NRXN3: variants seen among roughly 807,000 people sequenced by gnomAD.
NRXN3 encodes the protein neurexin III.
Under a neutral mutation model 137.6 loss-of-function variants are expected in NRXN3, and 32 were observed. The observed-to-expected ratio is 0.23, with a 90% CI of 0.18 to 0.31. NRXN3 has a LOEUF of 0.31. Among genes scored for constraint, NRXN3 ranks in the 10% least tolerant of loss-of-function variants. The pLI is 1.00. For synonymous variants in NRXN3, 798 were observed against 784.5 expected (o/e 1.02, Z -0.29); for missense variants, 1,574 against 2,062.5 (o/e 0.76, Z 4.59).
At chr14:78,416,743 C>G (rs1320533483) in intron 4 of NRXN3, among the ~76,000 whole-genome samples, 1 of 152,178 alleles carries the variant, frequency 6.6e-6, no homozygotes, top group Non-Finnish European at 1.5e-5. Context: ...ACTGTTGCTT[C>G]CATTTGCTTG....
chr14:78,331,921 C>T, intron 4 of NRXN3, among the ~76,000 whole-genome samples: 1 of 152,166 alleles, frequency 6.6e-6, no homozygotes, highest in East Asian at 1.9e-4. Context: ...TAATTATGGC[C>T]AGCCAGGCCA....
intron 8 of NRXN3, among the ~76,000 whole-genome samples, chr14:78,766,702 C>G (rs1196605874): frequency 2.0e-5 from 3 of 152,206 alleles, no homozygotes; most frequent in African/African-American, 7.2e-5. Flanking sequence ...GGGGAGTCAT[C>G]TAACCCAAAT....
At chr14:79,700,339 G>A (rs1484699250) in intron 19 of NRXN3, among the ~76,000 whole-genome samples, 1 of 152,004 alleles carries the variant, frequency 6.6e-6, no homozygotes, top group Non-Finnish European at 1.5e-5. Context: ...AAAAGGTAGG[G>A]AAGACTGGAT....
chr14:78,928,457 C>T (rs1302934227), intron 10 of NRXN3, among the ~76,000 whole-genome samples: 2 of 152,096 alleles, frequency 1.3e-5, no homozygotes, highest in East Asian at 3.9e-4. Flanking sequence ...CCCTTACTCC[C>T]ACCCCACAAC....
intron 15 of NRXN3, among the ~76,000 whole-genome samples, chr14:79,425,831 G>C (rs971103336): frequency 6.6e-6 from 1 of 152,214 alleles, no homozygotes; most frequent in African/African-American, 2.4e-5. Context: ...GTTGGAGACA[G>C]AATGGACACT....
Position 79,663,856 on chromosome 14 carries a change from G to A in NRXN3, c.3523G>A (p.Asp1175Asn). Residue 1175 changes from aspartate (D) to asparagine (N), a missense_variant, in exon 17 of 21, where the codon GAC (aspartate) becomes AAC (asparagine). By Grantham distance (23) the Asp-to-Asn change is conservative (BLOSUM62 1). This residue lies in a region of NRXN3 where 133 missense variants were observed against 241.8 expected (regional missense o/e 0.55). Coordinates refer to ENST00000335750, the MANE Select transcript of NRXN3 (RefSeq NM_001330195.2). ...SIKEERTPVN[D>N]GKYHVVRFTR... ...CAAAGAGGAGAGAACCCCTGTAAAT[G>A]ACGGCAAATACCATGTGGTACGCTT... 6.2e-7 allele frequency: 1 copy of A among 1,613,556 alleles called. No homozygotes were observed. Among genetic ancestry groups the A allele is most frequent in the Non-Finnish European group, 8.5e-7 (1 of 1,179,696 alleles).
chr14:78,336,885 C>G (rs916565596), intron 4 of NRXN3, among the ~76,000 whole-genome samples: 2 of 152,136 alleles, frequency 1.3e-5, no homozygotes, highest in East Asian at 1.9e-4. Flanking sequence ...CTGCTAGGCT[C>G]TAAGCCAGGT....
rs1003951695 is a variant in NRXN3, at chr14:79,864,759, G to GT, written c.*2805dup. ...GTTTTTTGTTTTTCGTTTTTTGTTTGTTTTTTTTTTGAGACAGAGTCTCGC... is the reference window on the plus strand; with the variant it reads ...GTTTTTTGTTTTTCGTTTTTTGTTTGTTTTTTTTTTTGAGACAGAGTCTCGC... On this transcript the variant is annotated 3_prime_UTR_variant, in exon 21 of 21. Transcript: ENST00000335750. 1,071 of 148,208 alleles carry GT rather than the reference G, an allele frequency of 7.2e-3. 5 individuals are homozygous for GT. The highest frequency in any genetic ancestry group is 0.014 in the African/African-American group (584 of 40,496). 9.2% of individuals were successfully genotyped at this position (148,208 alleles called of 1,614,324 possible).
chr14:79,744,956 C>A (rs538197676), intron 19 of NRXN3, among the ~76,000 whole-genome samples: 2 of 145,652 alleles, frequency 1.4e-5, no homozygotes, highest in South Asian at 2.2e-4. Flanking sequence ...AGGGCAAGGT[C>A]AGAAGATAAA....
chr14:78,357,776 A>G (rs967535323), intron 4 of NRXN3, among the ~76,000 whole-genome samples: 1 of 152,218 alleles, frequency 6.6e-6, no homozygotes, highest in African/African-American at 2.4e-5. Flanking sequence ...AGCTCTTCAC[A>G]TGAATCTATG....
At chr14:78,272,059 C>T (rs1164908862) in intron 2 of NRXN3, among the ~76,000 whole-genome samples, 1 of 152,162 alleles carries the variant, frequency 6.6e-6, no homozygotes, top group African/African-American at 2.4e-5. Context: ...AGTCAATAGG[C>T]CACTGGGGAG....
intron 10 of NRXN3, among the ~76,000 whole-genome samples, chr14:78,923,490 G>A (rs1037208371): frequency 2.6e-5 from 4 of 152,176 alleles, no homozygotes; most frequent in African/African-American, 7.2e-5. Context: ...TCACAGAGAG[G>A]TTGAGATTTC....
At chr14:79,179,138 C>T (rs1021649124) in intron 15 of NRXN3, among the ~76,000 whole-genome samples, 1 of 152,154 alleles carries the variant, frequency 6.6e-6, no homozygotes, top group Non-Finnish European at 1.5e-5. Flanking sequence ...ATGTGCTTCT[C>T]TATTATTTCA....
At chr14:78,693,671 G>A (rs2098196262) in intron 6 of NRXN3, among the ~76,000 whole-genome samples, 1 of 118,968 alleles carries the variant, frequency 8.4e-6, no homozygotes, top group African/African-American at 3.6e-5. Context: ...GTGTGTGTGT[G>A]TGTGTGTGTG....
intron 8 of NRXN3, among the ~76,000 whole-genome samples, chr14:78,768,078 A>T (rs77908205): frequency 1.3e-5 from 2 of 149,060 alleles, no homozygotes; most frequent in Admixed American, 6.7e-5. Context: ...TGTTTACCAA[A>T]AAAAAAAAAA....
chr14:78,684,727 G>C (rs190498797), intron 6 of NRXN3, among the ~76,000 whole-genome samples: 1 of 152,160 alleles, frequency 6.6e-6, no homozygotes. Flanking sequence ...CCACAAGTTC[G>C]AGGCTGCAGT....
chr14:79,154,478 T>C (rs1183944324), intron 15 of NRXN3, among the ~76,000 whole-genome samples: 1 of 151,940 alleles, frequency 6.6e-6, no homozygotes, highest in Non-Finnish European at 1.5e-5. Context: ...TTTAGAATTG[T>C]AATGCTTTTT....
At chr14:79,802,387 C>G (rs1035689515) in intron 19 of NRXN3, among the ~76,000 whole-genome samples, 6 of 152,124 alleles carry the variant, frequency 3.9e-5, no homozygotes, top group Non-Finnish European at 8.8e-5. Context: ...TTACCACCAT[C>G]CTAAGGAGTT....
intron 10 of NRXN3, among the ~76,000 whole-genome samples, chr14:78,930,057 C>T (rs966508002): frequency 1.3e-5 from 2 of 152,136 alleles, no homozygotes; most frequent in Non-Finnish European, 2.9e-5. Flanking sequence ...GCATGAACAG[C>T]TGTAGATAAC....
Sources: gnomAD v4.1 joint callset for allele counts (sites outside exome capture counted in the v4.1 genomes callset) on GRCh38, gnomAD v4.1.1 for gene constraint, gnomAD v4.1.1 regional missense constraint, MANE v1.5 for transcripts, NCBI Gene and HGNC (gene_info 2026-07-23, HGNC 2026-07-21) for gene names.